CDK12: variants seen among roughly 807,000 people sequenced by gnomAD.
CDK12 encodes the protein cyclin dependent kinase 12.
A neutral mutation model predicts 133.8 loss-of-function variants in CDK12; 17 were observed. The observed-to-expected ratio is 0.13, with a 90% CI of 0.09 to 0.19. The LOEUF is 0.19. CDK12 is among the 10% of genes least tolerant of loss of function. CDK12 has a pLI of 1.00. For missense variants in CDK12, 1,508 were observed against 1,818.7 expected, an observed-to-expected ratio of 0.83 and a Z score of 3.11; for synonymous variants, 694 against 683.6, an observed-to-expected ratio of 1.02 and a Z score of -0.24.
chr17:39,478,459 G>A (rs2050386168), intron 2 of CDK12, among the ~76,000 whole-genome samples: 1 of 152,038 alleles, frequency 6.6e-6, no homozygotes, highest in Admixed American at 6.6e-5. Context: ...CTCCCATAGT[G>A]CTGGGATTGG....
rs2146575442 is a variant in CDK12, at chr17:39,520,066, T to A, written c.3074T>A (p.Leu1025His). 1 of 1,614,076 alleles carries A rather than the reference T, an allele frequency of 6.2e-7. No individual in the cohort carries two copies. Among genetic ancestry groups the A allele is most frequent in the South Asian group, 1.1e-5 (1 of 91,080 alleles). Residue 1025 changes from leucine (L) to histidine (H), a missense_variant, in exon 11 of 14, where the codon CTC (leucine) becomes CAC (histidine). Leu to His is a moderately conservative substitution (Grantham distance 99). Coordinates refer to ENST00000447079, the MANE Select transcript of CDK12 (RefSeq NM_016507.4). ...LQSDFLKDVE[L>H]SKMAPPDLPH... ...AGCGACTTCCTTAAAGATGTCGAAC[T>A]CAGCAAAATGGCTCCTCCAGAGTAA...
chr17:39,536,878 T>C (rs886565305), downstream of CDK12, among the ~76,000 whole-genome samples: 1 of 152,206 alleles, frequency 6.6e-6, no homozygotes, highest in Non-Finnish European at 1.5e-5. Context: ...ACAGCATACT[T>C]CTGTGGAATA....
chr17:39,491,157 T>G (rs1051820094), intron 3 of CDK12, among the ~76,000 whole-genome samples: 3 of 152,174 alleles, frequency 2.0e-5, no homozygotes, highest in Admixed American at 2.0e-4. Context: ...AATATGGGTC[T>G]AATCTTCTGA....
chr17:39,486,554 C>T (rs2051149164), intron 2 of CDK12, among the ~76,000 whole-genome samples: 1 of 152,026 alleles, frequency 6.6e-6, no homozygotes, highest in East Asian at 1.9e-4. Flanking sequence ...GCATGAGTCA[C>T]CATGCTCAGC....
intron 2 of CDK12, among the ~76,000 whole-genome samples, chr17:39,478,337 G>A (rs956449416): frequency 6.6e-6 from 1 of 151,756 alleles, no homozygotes; most frequent in African/African-American, 2.4e-5. Context: ...GACTACAGGC[G>A]CATGCCACCA....
At chr17:39,524,432 T>C (rs1322938229) in intron 11 of CDK12, among the ~76,000 whole-genome samples, 1 of 152,264 alleles carries the variant, frequency 6.6e-6, no homozygotes, top group East Asian at 1.9e-4. Context: ...CTGTACCTAG[T>C]ATTAGCAAGA....
At chr17:39,528,624 C>G (rs1262716067) in intron 13 of CDK12, among the ~76,000 whole-genome samples, 3 of 152,200 alleles carry the variant, frequency 2.0e-5, no homozygotes, top group African/African-American at 7.2e-5. Context: ...CATGAGCCAC[C>G]ATGCCCAGCC....
intron 13 of CDK12, chr17:39,530,358 C>T: frequency 2.2e-6 from 1 of 451,736 alleles, no homozygotes; most frequent in Non-Finnish European, 3.7e-6. Context: ...AAATCTTAGA[C>T]CAAAATCAGG....
chr17:39,478,028 AT>A (rs371201748), intron 2 of CDK12, among the ~76,000 whole-genome samples: 2,085 of 107,838 alleles, frequency 0.019, 16 homozygotes, highest in African/African-American at 0.044. Flanking sequence ...TTTAAACATG[AT>A]TTTTTTTTTT....
rs746286441 is a variant in CDK12 at position 39,462,740 on chromosome 17, C to T, written c.669C>T (p.Pro223=). Residue 223 remains proline, a synonymous_variant, in exon 1 of 14, where the codon CCC becomes CCT. Coordinates refer to ENST00000447079, the MANE Select transcript of CDK12 (RefSeq NM_016507.4). The stretch of plus-strand genomic sequence containing the variant: ...GCCCAAAACGGAGATCCAGGAGCCC[C>T]CACAGGAAGTGGTCTGACAGCTCCA... ...VDSPKRRSRS[P]HRKWSDSSKQ... 8 of 1,614,030 alleles carry T rather than the reference C, an allele frequency of 5.0e-6. No individual in the cohort carries two copies. The East Asian group carries it at 1.8e-4, about 36-fold the overall frequency.
rs2145212372 is a variant in CDK12, at chr17:39,471,725, C to A, written c.1893C>A (p.Pro631=). The A allele has an allele frequency of 1.2e-6, 2 of 1,613,772 alleles. No individual in the cohort carries two copies. The highest frequency in any genetic ancestry group is 1.7e-6 in the Non-Finnish European group (2 of 1,179,848). The part of the protein sequence containing the change: ...HLKTSTLPPL[P]LPPLLPGDDD... ...AAACTTCAACGTTGCCTCCTTTGCC[C>A]CTCCCACCCTTATTACCTGGAGATG... is the stretch of plus-strand genomic sequence containing the variant. Residue 631 remains proline, a synonymous_variant, in exon 2 of 14, where the codon CCC becomes CCA. Transcript: ENST00000447079.
chr17:39,513,023 AGT>A (rs549602254), intron 8 of CDK12, among the ~76,000 whole-genome samples: 63 of 152,304 alleles, frequency 4.1e-4, no homozygotes, highest in African/African-American at 1.4e-3. Flanking sequence ...ACACCATAGT[AGT>A]GTTACAGTAG....
Position 39,522,985 on chromosome 17 carries a change from G to A in CDK12, c.3096-1689G>A, listed in dbSNP as rs906113247. Among the ~76,000 whole-genome samples, 9 of 152,106 alleles carry A rather than the reference G, an allele frequency of 5.9e-5. 1 individual carries two copies. The South Asian group carries it at 1.9e-3, about 32-fold the overall frequency. ...GGAGAATCGCCTGAACTCGGGAGGT[G>A]GAGGTTGCAGTGAGCCGAGATTGTG... On this transcript the variant is annotated intron_variant, in intron 11 of 13. Transcript: ENST00000447079.
At chr17:39,475,250 G>A (rs983758904) in intron 2 of CDK12, among the ~76,000 whole-genome samples, 1 of 151,558 alleles carries the variant, frequency 6.6e-6, no homozygotes, top group African/African-American at 2.4e-5. Flanking sequence ...TGGGAGGACT[G>A]TTTAAGGCCA....
chr17:39,478,660 G>T (rs1357083181), intron 2 of CDK12, among the ~76,000 whole-genome samples: 1 of 152,128 alleles, frequency 6.6e-6, no homozygotes, highest in Non-Finnish European at 1.5e-5. Context: ...GCCAGACCCT[G>T]TTTCTACCAT....
intron 2 of CDK12, among the ~76,000 whole-genome samples, chr17:39,478,247 A>G (rs2050372834): frequency 6.6e-6 from 1 of 151,242 alleles, no homozygotes; most frequent in Non-Finnish European, 1.5e-5. Flanking sequence ...GCTGGAGTGC[A>G]GTGGCTCAAT....
chr17:39,490,695 A>G lies in CDK12; in HGVS notation c.2070A>G (p.Ala690=). Reference sequence around the variant, plus strand: ...CCCCAGACTCTCCAGAACCAAAGGCAATCACACCACCTCAGCAACCATATA... The same window carrying G: ...CCCCAGACTCTCCAGAACCAAAGGCGATCACACCACCTCAGCAACCATATA... ...LSPPDSPEPK[A]ITPPQQPYKK... Residue 690 remains alanine (A), a synonymous_variant, in exon 3 of 14, where the codon GCA becomes GCG. Transcript: ENST00000447079. The G allele has an allele frequency of 6.2e-7, 1 of 1,613,498 alleles. No individual in the cohort carries two copies. Among genetic ancestry groups the G allele is most frequent in the East Asian group, 2.2e-5 (1 of 44,864 alleles).
intron 3 of CDK12, among the ~76,000 whole-genome samples, chr17:39,559,105 G>T (rs1454009863): frequency 6.6e-6 from 1 of 152,118 alleles, no homozygotes; most frequent in Non-Finnish European, 1.5e-5. Context: ...ACACAAGGCG[G>T]CCCCTTTTCC....
chr17:39,561,124 T>A (rs4488484), intron 3 of CDK12, among the ~76,000 whole-genome samples: 119,955 of 152,184 alleles, frequency 0.79, 47,790 homozygotes, highest in South Asian at 0.92. Flanking sequence ...CGCCTGAGCA[T>A]TCTATCCAGA....
Sources: allele counts gnomAD v4.1 joint callset (sites outside exome capture counted in the v4.1 genomes callset), GRCh38; gene constraint gnomAD v4.1.1; transcripts MANE v1.5; gene names NCBI Gene and HGNC (gene_info 2026-07-23, HGNC 2026-07-21).